H4C16: variants seen among roughly 807,000 people sequenced by gnomAD.
H4C16 encodes the protein histone H4.
At chr12:14,770,988 G>A in the H4C16 span, 1 of 1,614,242 alleles carries the variant, frequency 6.2e-7, no homozygotes, top group Non-Finnish European at 8.5e-7. Context: ...CGAATCGCCG[G>A]CTTTGTAATG....
the H4C16 span, chr12:14,771,075 G>T: frequency 6.3e-7 from 1 of 1,590,658 alleles, no homozygotes; most frequent in South Asian, 1.1e-5. Flanking sequence ...CCTTTACCTC[G>T]CCCAGACATT....
the H4C16 span, chr12:14,770,801 C>T: frequency 1.2e-6 from 2 of 1,613,822 alleles, no homozygotes; most frequent in Non-Finnish European, 1.7e-6. Flanking sequence ...AAGGGTGCGA[C>T]CCTGGCGTTT....
chr12:14,770,830 C>T, the H4C16 span: 1 of 1,614,200 alleles, frequency 6.2e-7, no homozygotes, highest in Non-Finnish European at 8.5e-7. Flanking sequence ...ACACCACATC[C>T]ATGGCCGTGA....
At chr12:14,770,779 G>A in the H4C16 span, 8 of 1,609,458 alleles carry the variant, frequency 5.0e-6, no homozygotes, top group South Asian at 6.6e-5. Flanking sequence ...CAGCTCAACC[G>A]CCGAAACCAT....
chr12:14,770,979 G>T, the H4C16 span: 2 of 1,614,210 alleles, frequency 1.2e-6, no homozygotes, highest in Non-Finnish European at 1.7e-6. Flanking sequence ...GCGAGACGGC[G>T]AATCGCCGGC....
At chr12:14,771,002 T>G in the H4C16 span, 1 of 1,614,222 alleles carries the variant, frequency 6.2e-7, no homozygotes, top group Admixed American at 1.7e-5. Flanking sequence ...TGTAATGCCT[T>G]GGATATTGTC....
chr12:14,770,781 C>T, the H4C16 span: 2 of 1,610,660 alleles, frequency 1.2e-6, no homozygotes, highest in Non-Finnish European at 1.7e-6. Context: ...GCTCAACCGC[C>T]GAAACCATAA....
the H4C16 span, chr12:14,771,000 C>CA: frequency 7.6e-4 from 1,226 of 1,614,236 alleles, 18 homozygotes; most frequent in East Asian, 0.024. Context: ...TTTGTAATGC[C>CA]TTGGATATTG....
chr12:14,771,058 C>A, the H4C16 span: 1 of 1,606,706 alleles, frequency 6.2e-7, no homozygotes, highest in Non-Finnish European at 8.5e-7. Flanking sequence ...TACCCAGCCC[C>A]TTGCCACCTT....
chr12:14,771,017 A>C, the H4C16 span: 1 of 1,614,010 alleles, frequency 6.2e-7, no homozygotes. Context: ...ATTGTCCCGC[A>C]GCACCTTCCG....
At chr12:14,770,928 C>G in the H4C16 span, 27 of 1,614,100 alleles carry the variant, frequency 1.7e-5, no homozygotes, top group Non-Finnish European at 4.2e-6. Flanking sequence ...CGGGTCTCCT[C>G]GTAGATGAGA....
chr12:14,770,855 G>C, the H4C16 span: 2 of 1,614,202 alleles, frequency 1.2e-6, no homozygotes, highest in Non-Finnish European at 1.7e-6. Flanking sequence ...CTTGCGCTTG[G>C]CGTGCTCCGT....
At chr12:14,770,994 T>A in the H4C16 span, 1 of 1,614,240 alleles carries the variant, frequency 6.2e-7, no homozygotes, top group African/African-American at 1.3e-5. Context: ...GCCGGCTTTG[T>A]AATGCCTTGG....
chr12:14,770,909 A>C, the H4C16 span: 1 of 1,614,196 alleles, frequency 6.2e-7, no homozygotes, highest in Non-Finnish European at 8.5e-7. Flanking sequence ...GAAGACTTTG[A>C]GGACTCCCCG....
the H4C16 span, chr12:14,771,127 A>G: frequency 1.4e-5 from 21 of 1,540,582 alleles, no homozygotes; most frequent in Admixed American, 2.0e-5. Context: ...CGGGCTGCCC[A>G]CTGTGATTGC....
At chr12:14,770,763 T>C in the H4C16 span, 1 of 1,602,910 alleles carries the variant, frequency 6.2e-7, no homozygotes. Context: ...AGAGAAGCTG[T>C]GGGGACAGCT....
the H4C16 span, chr12:14,770,850 G>C: frequency 6.2e-7 from 1 of 1,614,194 alleles, no homozygotes; most frequent in Non-Finnish European, 8.5e-7. Context: ...ACGGTCTTGC[G>C]CTTGGCGTGC....
chr12:14,771,050 C>T, the H4C16 span: 3 of 1,608,924 alleles, frequency 1.9e-6, no homozygotes, highest in Admixed American at 3.3e-5. Flanking sequence ...GCCTCCCTTA[C>T]CCAGCCCCTT....
Sources: allele counts gnomAD v4.1 joint callset, GRCh38; gene constraint gnomAD v4.1.1; transcripts MANE v1.5; gene names NCBI Gene and HGNC (gene_info 2026-07-23, HGNC 2026-07-21).